Variants in UBAC2 observed in about 807,000 individuals in gnomAD.
UBAC2 encodes UBA domain containing 2, also known as ubiquitin-associated domain-containing protein 2.
A neutral mutation model predicts 44.0 loss-of-function variants in UBAC2; 26 were observed. That is an observed-to-expected ratio of 0.59 (90% CI 0.43 to 0.82). The LOEUF is 0.82. UBAC2 is among the 40% of genes least tolerant of loss of function. The pLI is 0.00. For missense variants in UBAC2, 329 were observed against 419.4 expected (o/e 0.78, Z 1.88); for synonymous variants, 155 against 154.3 (o/e 1.00, Z -0.04).
chr13:99,241,726 C>T (rs1219646104), intron 2 of UBAC2, among the ~76,000 whole-genome samples: 10 of 140,570 alleles, frequency 7.1e-5, no homozygotes, highest in Non-Finnish European at 7.5e-5. Flanking sequence ...AAAATTTTAA[C>T]TTTTTTTTTT....
At chr13:99,296,055 T>C in intron 4 of UBAC2, 3 of 1,613,848 alleles carry the variant, frequency 1.9e-6, no homozygotes, top group South Asian at 1.1e-5. Context: ...ATTACTATCC[T>C]GGCCGTGCTG....
chr13:99,294,975 C>T, intron 4 of UBAC2: 1 of 1,434,638 alleles, frequency 7.0e-7, no homozygotes, highest in Non-Finnish European at 9.4e-7. Flanking sequence ...TAATTGGAAG[C>T]TGAACAATTA....
chr13:99,298,929 C>A (rs2044216619), intron 4 of UBAC2, among the ~76,000 whole-genome samples: 1 of 151,968 alleles, frequency 6.6e-6, no homozygotes, highest in African/African-American at 2.4e-5. Context: ...TTTCTAAGTT[C>A]TTTGAAAATG....
chr13:99,338,041 T>TTTTTCTTTTTC (rs765023840), intron 6 of UBAC2, among the ~76,000 whole-genome samples: 3 of 29,798 alleles, frequency 1.0e-4, no homozygotes, highest in Non-Finnish European at 9.1e-5. Flanking sequence ...CTTTTTTTCT[T>TTTTTCTTTTTC]TTTTTCTTTT....
In UBAC2 at chr13:99,340,304, G is replaced by T; in HGVS notation, c.562-16G>T. On this transcript the variant is annotated splice_polypyrimidine_tract_variant and intron_variant, in intron 6 of 8. Coordinates refer to ENST00000403766, the MANE Select transcript of UBAC2 (RefSeq NM_001144072.2). ...ATACTACATTTAAACAATCACATTG[G>T]ACGTTTTTCTTCTAGATGTCCGGTC... 6.2e-7 allele frequency: 1 copy of T among 1,612,094 alleles called. No individual in the cohort carries two copies. Among genetic ancestry groups the T allele is most frequent in the Non-Finnish European group, 8.5e-7 (1 of 1,178,610 alleles).
At chr13:99,331,497 G>T (rs1207563820) in intron 6 of UBAC2, among the ~76,000 whole-genome samples, 2 of 152,270 alleles carry the variant, frequency 1.3e-5, no homozygotes, top group African/African-American at 4.8e-5. Flanking sequence ...AGAATCAGAA[G>T]GATATCCAGC....
At chr13:99,227,194 A>G (rs561467350) in intron 1 of UBAC2, among the ~76,000 whole-genome samples, 2 of 151,070 alleles carry the variant, frequency 1.3e-5, no homozygotes, top group Admixed American at 6.6e-5. Context: ...GCGAAACTCC[A>G]TCTCAAAAAA....
intron 7 of UBAC2, among the ~76,000 whole-genome samples, chr13:99,359,628 G>T (rs992665161): frequency 2.6e-5 from 4 of 152,206 alleles, no homozygotes; most frequent in Admixed American, 6.5e-5. Flanking sequence ...ACTGGAAAGG[G>T]CCTGAAGCCA....
intron 1 of UBAC2, among the ~76,000 whole-genome samples, chr13:99,210,691 G>T (rs1205261506): frequency 6.6e-6 from 1 of 151,948 alleles, no homozygotes; most frequent in Non-Finnish European, 1.5e-5. Context: ...TGGTCAGGCT[G>T]GTCTCAAACT....
At chr13:99,280,665 G>A (rs1410465100) in intron 4 of UBAC2, among the ~76,000 whole-genome samples, 1 of 152,222 alleles carries the variant, frequency 6.6e-6, no homozygotes, top group African/African-American at 2.4e-5. Context: ...TCAGCATGGA[G>A]TAGTGAAGAG....
At chr13:99,337,154 C>T (rs986953649) in intron 6 of UBAC2, among the ~76,000 whole-genome samples, 14 of 152,110 alleles carry the variant, frequency 9.2e-5, no homozygotes, top group Non-Finnish European at 1.6e-4. Flanking sequence ...TTAAATATTC[C>T]GCATGAATTT....
chr13:99,296,315 T>A (rs1288004786), intron 4 of UBAC2, among the ~76,000 whole-genome samples: 1 of 152,234 alleles, frequency 6.6e-6, no homozygotes, highest in South Asian at 2.1e-4. Context: ...ATGCAATTTT[T>A]AACAGTTTAT....
intron 4 of UBAC2, among the ~76,000 whole-genome samples, chr13:99,244,866 T>A (rs1313834226): frequency 6.6e-6 from 1 of 151,898 alleles, no homozygotes; most frequent in Non-Finnish European, 1.5e-5. Context: ...GGAGTCTCGC[T>A]CTGTCACCCA....
rs746957543 is a variant in UBAC2, at chr13:99,200,908, C to A, written c.-1C>A. 18 of 1,304,468 alleles carry A rather than the reference C, an allele frequency of 1.4e-5. No individual in the cohort carries two copies. The South Asian group carries it at 5.1e-4, about 37-fold the overall frequency. 80.8% of individuals were successfully genotyped at this position (1,304,468 alleles called of 1,614,324 possible). On this transcript the variant is annotated 5_prime_UTR_variant, in exon 1 of 9. Transcript: ENST00000403766. Reference sequence around the variant, plus strand: ...TCTGGGGCTCCGAGCCCGGCGGGACCATGTTCACCAGCACCGGCTCCAGTG... The same window carrying A: ...TCTGGGGCTCCGAGCCCGGCGGGACAATGTTCACCAGCACCGGCTCCAGTG...
intron 4 of UBAC2, chr13:99,258,190 T>G (rs1353668771): frequency 6.6e-6 from 1 of 152,262 alleles, no homozygotes; most frequent in Non-Finnish European, 1.5e-5. Context: ...GAGATGAGCA[T>G]TTTTCAGCAC....
At chr13:99,206,075 C>T (rs1169100246) in intron 1 of UBAC2, 1 of 152,888 alleles carries the variant, frequency 6.5e-6, no homozygotes, top group Non-Finnish European at 1.5e-5. Flanking sequence ...AGGTAACGTT[C>T]CCAGTCACTA....
chr13:99,377,714 T>C (rs1048297505), intron 8 of UBAC2: 2 of 152,254 alleles, frequency 1.3e-5, no homozygotes, highest in African/African-American at 2.4e-5. Flanking sequence ...CTGACTTCTT[T>C]AGGGCCCACC....
At chr13:99,290,754 A>G (rs796800785) in intron 4 of UBAC2, among the ~76,000 whole-genome samples, 5 of 151,888 alleles carry the variant, frequency 3.3e-5, no homozygotes, top group African/African-American at 1.2e-4. Flanking sequence ...AGAAAGAAAG[A>G]AAGAAAAAGA....
intron 4 of UBAC2, chr13:99,308,552 A>T (rs902097913): frequency 6.6e-6 from 1 of 152,176 alleles, no homozygotes; most frequent in Non-Finnish European, 1.5e-5. Context: ...TGCTTGAGTA[A>T]ACTTGATGAT....
Sources: gnomAD v4.1 joint callset for allele counts (sites outside exome capture counted in the v4.1 genomes callset) on GRCh38, gnomAD v4.1.1 for gene constraint, MANE v1.5 for transcripts, NCBI Gene and HGNC (gene_info 2026-07-23, HGNC 2026-07-21) for gene names.